The following MYLK variants were observed in gnomAD, a reference collection of about 807,000 sequenced individuals.
MYLK encodes myosin light chain kinase.
In MYLK, 106 loss-of-function variants were observed where a neutral mutation model predicts 203.4. The observed-to-expected ratio is 0.52, with a 90% CI of 0.45 to 0.61. The LOEUF (loss-of-function observed/expected upper bound fraction) is 0.61. MYLK is among the 20% of genes least tolerant of loss of function. The pLI, the probability that MYLK is intolerant of heterozygous loss-of-function variation, is 0.00. For missense variants in MYLK, 2,072 were observed against 2,442.3 expected (o/e 0.85, Z 3.20); for synonymous variants, 867 against 959.5 (o/e 0.90, Z 1.78).
chr3:123,622,517 G>A (rs999837773), intron 31 of MYLK: 2 of 152,226 alleles, frequency 1.3e-5, no homozygotes, highest in African/African-American at 2.4e-5. Flanking sequence ...GTGGTGTGGC[G>A]AGACGATGTC....
intron 4 of MYLK, among the ~76,000 whole-genome samples, chr3:123,779,697 T>A (rs12106710): frequency 0.061 from 9,220 of 152,220 alleles, 902 homozygotes; most frequent in African/African-American, 0.21. Flanking sequence ...CTATTGCTCA[T>A]CCTCACCATC....
In MYLK at chr3:123,728,387, T is replaced by C. The variant is rs548067191; in HGVS notation, c.1517-2309A>G. ...TTAGCCAGGCATGATGGCATGTGCC[T>C]GTAGTCTCACTTAGTAGGCTGAGGC... On this transcript the variant is annotated intron_variant, in intron 11 of 33. Coordinates refer to ENST00000360304, the MANE Select transcript of MYLK (RefSeq NM_053025.4). 3.3e-5 allele frequency among the ~76,000 whole-genome samples: 5 copies of C among 152,232 alleles called. No homozygotes were observed. The East Asian group carries it at 5.8e-4, about 18-fold the overall frequency.
chr3:123,873,007 A>G (rs1458032100), intron 2 of MYLK, among the ~76,000 whole-genome samples: 1 of 152,152 alleles, frequency 6.6e-6, no homozygotes, highest in African/African-American at 2.4e-5. Flanking sequence ...GCATAAACTC[A>G]GGTATGGTTG....
At chr3:123,727,237 T>C (rs2062322737) in intron 11 of MYLK, among the ~76,000 whole-genome samples, 1 of 152,134 alleles carries the variant, frequency 6.6e-6, no homozygotes, top group African/African-American at 2.4e-5. Flanking sequence ...GACAGAGTGA[T>C]GGTGTACCTG....
intron 4 of MYLK, among the ~76,000 whole-genome samples, chr3:123,785,165 A>C (rs137968965): frequency 1.8e-4 from 28 of 152,358 alleles, no homozygotes; most frequent in Middle Eastern, 6.8e-3. Flanking sequence ...AATGCCAAGA[A>C]AATCTCTCAT....
At chr3:123,738,822 T>A in intron 7 of MYLK, 75 bp downstream of exon 7, 1 of 1,534,980 alleles carries the variant, frequency 6.5e-7, no homozygotes, top group Non-Finnish European at 8.8e-7. Context: ...TTACCCAGTC[T>A]CGGGTATGTC....
intron 2 of MYLK, among the ~76,000 whole-genome samples, chr3:123,833,534 A>C (rs1312299545): frequency 6.6e-6 from 1 of 151,668 alleles, no homozygotes; most frequent in Admixed American, 6.6e-5. Flanking sequence ...TGCCCCATGC[A>C]CACGGGAGGC....
chr3:123,657,077 C>G, intron 24 of MYLK, 49 bp downstream of exon 24: 1 of 1,597,674 alleles, frequency 6.3e-7, no homozygotes, highest in Non-Finnish European at 8.6e-7. Context: ...TACACAAGGT[C>G]AGTCACGCAC....
At chr3:123,863,080 A>G (rs2148693084) in intron 2 of MYLK, among the ~76,000 whole-genome samples, 1 of 152,234 alleles carries the variant, frequency 6.6e-6, no homozygotes, top group East Asian at 1.9e-4. Context: ...TGGTTACTTA[A>G]CCTAGCTCTG....
intron 12 of MYLK, 69 bp downstream of exon 12, chr3:123,725,875 A>G: frequency 6.3e-7 from 1 of 1,579,096 alleles, no homozygotes; most frequent in Non-Finnish European, 8.6e-7. Context: ...CAGAGGGATA[A>G]GTGAGAATTC....
rs1287382004 is a variant in MYLK at position 123,708,010 on chromosome 3, A to G, written c.2141-7T>C. 1 of 1,614,046 alleles carries G rather than the reference A, an allele frequency of 6.2e-7. No individual in the cohort carries two copies. The highest frequency in any genetic ancestry group is 8.5e-7 in the Non-Finnish European group (1 of 1,179,974). ...TGGGTGCCATCGTGAGGCTCTGGAA[A>G]TTGGCAAAGGGCAGAGCTAAACAGG... On this transcript the variant is annotated splice_region_variant and splice_polypyrimidine_tract_variant and intron_variant, in intron 15 of 33. Coordinates refer to ENST00000360304, the MANE Select transcript of MYLK (RefSeq NM_053025.4).
At chr3:123,713,590 TG>T (rs1343119421) in intron 13 of MYLK, among the ~76,000 whole-genome samples, 2 of 13,388 alleles carry the variant, frequency 1.5e-4, no homozygotes, top group Admixed American at 1.7e-3. Flanking sequence ...TGTGTGTGTG[TG>T]TGTGTGTGTG....
chr3:123,805,040 A>T (rs1012243853), intron 3 of MYLK, among the ~76,000 whole-genome samples: 2 of 152,162 alleles, frequency 1.3e-5, no homozygotes, highest in African/African-American at 4.8e-5. Context: ...CACCAGCCCC[A>T]GCTGTCCACA....
chr3:123,769,089 C>T (rs1560194168), intron 4 of MYLK, among the ~76,000 whole-genome samples: 1 of 152,146 alleles, frequency 6.6e-6, no homozygotes. Flanking sequence ...AGGCCTGTCC[C>T]AGACAATCTG....
intron 5 of MYLK, among the ~76,000 whole-genome samples, chr3:123,748,793 G>A (rs778836664): frequency 5.9e-5 from 9 of 152,078 alleles, no homozygotes; most frequent in Admixed American, 1.3e-4. Context: ...ACATAAGGCC[G>A]GGCACGGTGG....
intron 13 of MYLK, among the ~76,000 whole-genome samples, chr3:123,712,058 T>C (rs1323810565): frequency 1.3e-5 from 2 of 152,146 alleles, no homozygotes; most frequent in South Asian, 4.1e-4. Flanking sequence ...GCATGGAGCC[T>C]GAGTGTGAGA....
chr3:123,763,796 G>T (rs963373022), intron 4 of MYLK, among the ~76,000 whole-genome samples: 2 of 152,138 alleles, frequency 1.3e-5, no homozygotes, highest in African/African-American at 4.8e-5. Context: ...GTGGGTCTTT[G>T]TTCACTGTCC....
At position 123,647,048 on chromosome 3, in the gene MYLK, A is replaced by C. The variant is rs1427107346; in HGVS notation, c.4619+176T>G. 6.0e-6 allele frequency: 4 copies of C among 665,336 alleles called. No homozygotes were observed. In the East Asian group the frequency reaches 8.1e-5, roughly 14 times the overall value. 41.2% of individuals were successfully genotyped at this position (665,336 alleles called of 1,614,324 possible). A position where few individuals can be genotyped will look rare whatever the true frequency, so the allele number is the denominator to read the frequency against. On this transcript the variant is annotated intron_variant, in intron 27 of 33. Transcript: ENST00000360304. ...GAGGCTCAGGGCCAGCACTGTGCAC[A>C]GACCTTCGGTTCTGTTTGGTCAGGC... is the stretch of plus-strand genomic sequence containing the variant.
intron 3 of MYLK, among the ~76,000 whole-genome samples, chr3:123,807,300 G>C (rs1473041616): frequency 2.0e-5 from 3 of 151,946 alleles, no homozygotes; most frequent in Non-Finnish European, 4.4e-5. Flanking sequence ...GTGGTGGCAG[G>C]CGCCTGTAAT....
Sources: allele counts gnomAD v4.1 joint callset (sites outside exome capture counted in the v4.1 genomes callset), GRCh38; gene constraint gnomAD v4.1.1; transcripts MANE v1.5; gene names NCBI Gene and HGNC (gene_info 2026-07-23, HGNC 2026-07-21).